The following YAP1 variants were observed in gnomAD, a reference collection of about 807,000 sequenced individuals.
YAP1 encodes the protein transcriptional coactivator YAP1.
YAP1 carries 5 observed loss-of-function variants against 56.9 expected under a neutral mutation model. That is an observed-to-expected ratio of 0.09 (90% CI 0.05 to 0.18). YAP1 has a LOEUF of 0.18. Ranked by LOEUF, YAP1 falls within the 10% of genes least tolerant of loss-of-function variation. The pLI is 1.00. For synonymous variants in YAP1, 265 were observed against 248.1 expected (o/e 1.07, Z -0.64); for missense variants, 539 against 651.8 (o/e 0.83, Z 1.88).
chr11:102,140,420 A>G (rs563712822), intron 2 of YAP1, among the ~76,000 whole-genome samples: 1 of 152,322 alleles, frequency 6.6e-6, no homozygotes, highest in African/African-American at 2.4e-5. Flanking sequence ...GCATTCTATA[A>G]AAGAGAAGTA....
intron 6 of YAP1, among the ~76,000 whole-genome samples, chr11:102,211,995 G>A (rs1949427166): frequency 6.6e-6 from 1 of 152,086 alleles, no homozygotes; most frequent in Admixed American, 6.6e-5. Context: ...GAGCCACCGC[G>A]CCCAGCCAGA....
chr11:102,111,563 CCTCCGCGCG>C (rs1462468787), intron 1 of YAP1, among the ~76,000 whole-genome samples: 2 of 151,486 alleles, frequency 1.3e-5, no homozygotes, highest in Non-Finnish European at 3.0e-5. Flanking sequence ...AATGCGCGCG[CCTCCGCGCG>C]CTCCGCACCT....
Position 102,161,345 on chromosome 11 carries a change from TACACACACACAC to T in YAP1, c.573-1080_573-1069del, listed in dbSNP as rs34552492. Among the ~76,000 whole-genome samples the T allele has an allele frequency of 3.7e-4, 52 of 141,236 alleles. 1 individual carries two copies. The highest frequency in any genetic ancestry group is 7.3e-4 in the South Asian group (3 of 4,122). 92.7% of individuals were successfully genotyped at this position (141,236 alleles called of 152,430 possible). A position where few individuals can be genotyped will look rare whatever the true frequency, so the allele number is the denominator to read the frequency against. On this transcript the variant is annotated intron_variant, in intron 2 of 8. Transcript: ENST00000282441. ...CCAGAGTCTTTCTGTGTACTTTCAC[TACACACACACAC>T]ACACACACACACACACACACACACA...
intron 2 of YAP1, among the ~76,000 whole-genome samples, chr11:102,161,263 C>T (rs1441160165): frequency 3.4e-5 from 5 of 148,246 alleles, no homozygotes; most frequent in South Asian, 2.2e-4. Context: ...GGGGTTTCAC[C>T]GTGTTAGCCA....
intron 7 of YAP1, among the ~76,000 whole-genome samples, chr11:102,225,631 GT>G (rs1319435547): frequency 6.6e-6 from 1 of 152,162 alleles, no homozygotes; most frequent in Admixed American, 6.5e-5. Context: ...AGTTCCCTTA[GT>G]TCCCTTTTAC....
chr11:102,170,981 GAAAAA>G, intron 3 of YAP1, among the ~76,000 whole-genome samples: 1 of 137,600 alleles, frequency 7.3e-6, no homozygotes, highest in East Asian at 2.1e-4. Flanking sequence ...AAAAAAAAAA[GAAAAA>G]AAAAATTTAG....
At chr11:102,172,877 G>A (rs1413444705) in intron 3 of YAP1, among the ~76,000 whole-genome samples, 1 of 152,118 alleles carries the variant, frequency 6.6e-6, no homozygotes, top group Non-Finnish European at 1.5e-5. Context: ...GGAAGGGAGA[G>A]AATGCTTCAT....
chr11:102,161,665 A>G (rs1946299067), intron 2 of YAP1, among the ~76,000 whole-genome samples: 2 of 152,154 alleles, frequency 1.3e-5, no homozygotes, highest in South Asian at 2.1e-4. Flanking sequence ...TTTTATTTGT[A>G]TAATATATCT....
chr11:102,191,044 G>A (rs186679808), intron 4 of YAP1, among the ~76,000 whole-genome samples: 6 of 151,776 alleles, frequency 4.0e-5, no homozygotes, highest in Non-Finnish European at 7.4e-5. Context: ...CTGGTGGCAC[G>A]CACCTATAGT....
intron 3 of YAP1, among the ~76,000 whole-genome samples, chr11:102,163,653 A>T (rs1455345283): frequency 6.6e-6 from 1 of 152,184 alleles, no homozygotes; most frequent in Non-Finnish European, 1.5e-5. Context: ...CTAGATAACA[A>T]GCATATTTAG....
intron 2 of YAP1, among the ~76,000 whole-genome samples, chr11:102,123,889 A>G (rs950573684): frequency 6.6e-6 from 1 of 151,432 alleles, no homozygotes; most frequent in African/African-American, 2.4e-5. Context: ...GGCCTCCCAA[A>G]GTGCTGGGAT....
rs1942835598 is a variant in YAP1 at position 102,110,689 on chromosome 11, T to G, written c.-160T>G. On this transcript the variant is annotated 5_prime_UTR_variant, in exon 1 of 9. An upstream start codon of the reference 5' UTR is lost. Coordinates refer to ENST00000282441, the MANE Select transcript of YAP1 (RefSeq NM_001130145.3). Reference sequence around the variant, plus strand: ...GGGGCGGAGGCGCCGGGGCGGGGGATGCGGGGCCGCGGCGCAGCCCCCCGG... The same window carrying G: ...GGGGCGGAGGCGCCGGGGCGGGGGAGGCGGGGCCGCGGCGCAGCCCCCCGG... 1 of 519,906 alleles carries G rather than the reference T, an allele frequency of 1.9e-6. No individual in the cohort carries two copies. Among genetic ancestry groups the G allele is most frequent in the Non-Finnish European group, 2.7e-6 (1 of 371,406 alleles). The allele number at this position is 519,906 out of a possible 1,614,324, so 32.2% of individuals were successfully genotyped here.
intron 3 of YAP1, among the ~76,000 whole-genome samples, chr11:102,164,009 T>C (rs530832133): frequency 2.0e-5 from 3 of 152,312 alleles, no homozygotes; most frequent in African/African-American, 7.2e-5. Flanking sequence ...TCAGAATCTC[T>C]TTTATATGTG....
chr11:102,145,483 AGT>A (rs1174241714), intron 2 of YAP1, among the ~76,000 whole-genome samples: 1 of 152,198 alleles, frequency 6.6e-6, no homozygotes, highest in Non-Finnish European at 1.5e-5. Flanking sequence ...TGTGGAAAGA[AGT>A]GTCCATTTTT....
At chr11:102,198,571 G>A (rs1225275886) in intron 4 of YAP1, among the ~76,000 whole-genome samples, 1 of 152,122 alleles carries the variant, frequency 6.6e-6, no homozygotes, top group Non-Finnish European at 1.5e-5. Flanking sequence ...AATCAATCAT[G>A]TTTTATAATT....
Position 102,111,065 on chromosome 11 carries a change from A to G in YAP1, c.217A>G (p.Met73Val), listed in dbSNP as rs1349571557. The change falls in exon 1 of 9, where the codon ATG becomes GTG. Residue 73 changes from methionine (M) to valine (V), a missense_variant. By Grantham distance (21) the Met-to-Val change is conservative. Coordinates refer to ENST00000282441, the MANE Select transcript of YAP1 (RefSeq NM_001130145.3). ...TDLEALFNAVMNPKTANVPQT... is the reference protein window; with the variant it reads ...TDLEALFNAVVNPKTANVPQT... ...CCTGGAGGCGCTCTTCAACGCCGTC[A>G]TGAACCCCAAGACGGCCAACGTGCC... 6.2e-7 allele frequency: 1 copy of G among 1,613,168 alleles called. No homozygotes were observed. Among genetic ancestry groups the G allele is most frequent in the East Asian group, 2.2e-5 (1 of 44,780 alleles).
At chr11:102,127,388 G>T (rs1263940895) in intron 2 of YAP1, among the ~76,000 whole-genome samples, 2 of 152,316 alleles carry the variant, frequency 1.3e-5, no homozygotes, top group Non-Finnish European at 2.9e-5. Context: ...TCCAGCTGTG[G>T]CTGAAAGGGG....
At chr11:102,123,601 A>T (rs1323908527) in intron 2 of YAP1, among the ~76,000 whole-genome samples, 1 of 150,672 alleles carries the variant, frequency 6.6e-6, no homozygotes, top group South Asian at 2.1e-4. Flanking sequence ...TTTTCTCGTG[A>T]AATTTTGATG....
intron 3 of YAP1, among the ~76,000 whole-genome samples, chr11:102,179,906 T>A (rs1357150842): frequency 6.6e-6 from 1 of 152,078 alleles, no homozygotes; most frequent in Non-Finnish European, 1.5e-5. Context: ...ATAAAAATAA[T>A]GCAGAAATTG....
Sources: allele counts gnomAD v4.1 joint callset (sites outside exome capture counted in the v4.1 genomes callset), GRCh38; gene constraint gnomAD v4.1.1; transcripts MANE v1.5; gene names NCBI Gene and HGNC (gene_info 2026-07-23, HGNC 2026-07-21).